The following STIM2 variants were observed in gnomAD, a reference collection of about 807,000 sequenced individuals.
STIM2 encodes the protein stromal interaction molecule 2.
Under a neutral mutation model 85.8 loss-of-function variants are expected in STIM2, and 31 were observed. The ratio of observed to expected loss-of-function variants is 0.36; its 90% confidence interval spans 0.27 to 0.49. The LOEUF is 0.49. Ranked by LOEUF, STIM2 falls within the 20% of genes least tolerant of loss-of-function variation. The probability of loss-of-function intolerance (pLI) is 0.98; values close to 1 mark genes in which losing one functional copy is unlikely to be tolerated. For synonymous variants in STIM2, 356 were observed against 331.1 expected (o/e 1.08, Z -0.82); for missense variants, 841 against 927.6 (o/e 0.91, Z 1.21).
Position 27,002,217 on chromosome 4 carries a change from G to T in STIM2, c.626G>T (p.Arg209Leu). The T allele has an allele frequency of 6.3e-7, 1 of 1,593,980 alleles. No individual in the cohort carries two copies. The highest frequency in any genetic ancestry group is 8.5e-7 in the Non-Finnish European group (1 of 1,173,380). ...TAATCATCTGTAATTCTTTTAATAG[G>T]CCCACCTCATAACTGGATGAAAGAT... Residue 209 changes from arginine to leucine, a missense_variant and splice_region_variant, in exon 6 of 12, where the codon CGC becomes CTC. Transcript: ENST00000467087.
In STIM2 at chr4:27,002,699, C is replaced by T. The variant is rs973797789; in HGVS notation, c.804-228C>T. Among the ~76,000 whole-genome samples, 18 of 152,058 alleles carry T rather than the reference C, an allele frequency of 1.2e-4. 1 individual carries two copies. In the South Asian group the frequency reaches 2.9e-3, roughly 24 times the overall value. On this transcript the variant is annotated intron_variant, in intron 6 of 11. Transcript: ENST00000467087. ...TTAGGAATTTTTGAAAAGCTTTTTG[C>T]GGAAGAGTATTTCCCTGCTTTCCCT...
At chr4:26,876,092 T>C (rs547671353) in intron 1 of STIM2, among the ~76,000 whole-genome samples, 3 of 152,336 alleles carry the variant, frequency 2.0e-5, no homozygotes, top group Admixed American at 6.5e-5. Flanking sequence ...TTGGAATTGT[T>C]GATTCACATG....
chr4:26,928,554 A>G (rs73116665), intron 2 of STIM2, among the ~76,000 whole-genome samples: 5,765 of 152,074 alleles, frequency 0.038, 254 homozygotes, highest in African/African-American at 0.11. Context: ...TTTTACTTTT[A>G]TAGAGATGAG....
intron 3 of STIM2, among the ~76,000 whole-genome samples, chr4:26,958,829 A>G (rs1412536208): frequency 6.6e-6 from 1 of 152,212 alleles, no homozygotes; most frequent in Non-Finnish European, 1.5e-5. Context: ...TATTGACACG[A>G]CATAGCTCAG....
chr4:26,937,790 T>A (rs1290837713), intron 2 of STIM2, among the ~76,000 whole-genome samples: 3 of 152,202 alleles, frequency 2.0e-5, no homozygotes, highest in Non-Finnish European at 4.4e-5. Context: ...TATCTTTGTC[T>A]TGCTCCCTCA....
chr4:26,989,232 G>A (rs1270012627), intron 3 of STIM2, among the ~76,000 whole-genome samples: 3 of 152,084 alleles, frequency 2.0e-5, no homozygotes, highest in Non-Finnish European at 4.4e-5. Context: ...ACCACACACG[G>A]CCCAGTTTAA....
intron 1 of STIM2, among the ~76,000 whole-genome samples, chr4:26,884,767 A>T (rs777637071): frequency 1.3e-5 from 2 of 152,230 alleles, no homozygotes; most frequent in Non-Finnish European, 2.9e-5. Context: ...ACTGTTCTGA[A>T]TGCTTCACAT....
At chr4:26,928,090 C>T (rs987635526) in intron 2 of STIM2, among the ~76,000 whole-genome samples, 1 of 151,642 alleles carries the variant, frequency 6.6e-6, no homozygotes, top group African/African-American at 2.4e-5. Flanking sequence ...GGACTGTTTT[C>T]TTTTTATGGG....
At chr4:26,992,136 T>A (rs114377168) in intron 3 of STIM2, among the ~76,000 whole-genome samples, 2 of 152,144 alleles carry the variant, frequency 1.3e-5, no homozygotes, top group African/African-American at 4.8e-5. Flanking sequence ...CCAAAAGCTA[T>A]TGAAATTTAG....
In STIM2 at chr4:27,017,742, C is replaced by CAGA; in HGVS notation, c.1524_1526dup (p.Arg508dup). The CAGA allele has an allele frequency of 6.2e-7, 1 of 1,614,036 alleles. No homozygotes were observed. The highest frequency in any genetic ancestry group is 1.6e-4 in the Middle Eastern group (1 of 6,062). ...TGGCTAAACCTCCTGGATCATTAGC[C>CAGA]AGAAGCAGCAGCCTGTGCCGTTCAC... On this transcript the variant is annotated inframe_insertion, in exon 11 of 12. Coordinates refer to ENST00000467087, the MANE Select transcript of STIM2 (RefSeq NM_020860.4).
chr4:26,975,266 C>T (rs1465684332), intron 3 of STIM2, among the ~76,000 whole-genome samples: 1 of 152,174 alleles, frequency 6.6e-6, no homozygotes, highest in Non-Finnish European at 1.5e-5. Flanking sequence ...CATTCTCTGT[C>T]CTGCTTTGTT....
chr4:26,980,939 C>A lies in STIM2; in HGVS notation c.398-14440C>A, dbSNP rs115963404. ...ACTTCTAATATTGTGGATAAGGAGC[C>A]CTTCCTTACTTTCTGGCACGAAAAG... On this transcript the variant is annotated intron_variant, in intron 3 of 11. Coordinates refer to ENST00000467087, the MANE Select transcript of STIM2 (RefSeq NM_020860.4). Among the ~76,000 whole-genome samples the A allele has an allele frequency of 7.7e-3, 1,169 of 152,086 alleles. 15 individuals carry two copies. Among genetic ancestry groups the A allele is most frequent in the African/African-American group, 0.026 (1,088 of 41,488 alleles).
At chr4:26,961,739 C>G (rs1384433785) in intron 3 of STIM2, among the ~76,000 whole-genome samples, 1 of 151,802 alleles carries the variant, frequency 6.6e-6, no homozygotes, top group Non-Finnish European at 1.5e-5. Context: ...AGAAGTAGAA[C>G]ATAAATGGTA....
At chr4:26,876,797 C>T (rs1357773771) in intron 1 of STIM2, among the ~76,000 whole-genome samples, 2 of 138,300 alleles carry the variant, frequency 1.4e-5, no homozygotes, top group Non-Finnish European at 1.6e-5. Context: ...CTGTCTCTTA[C>T]TGTCTTTTTT....
chr4:26,944,679 A>G (rs1000542508), intron 2 of STIM2, among the ~76,000 whole-genome samples: 3 of 152,210 alleles, frequency 2.0e-5, no homozygotes, highest in African/African-American at 7.2e-5. Flanking sequence ...AATCTTTTCT[A>G]GTAACTTGTG....
intron 4 of STIM2, among the ~76,000 whole-genome samples, chr4:26,996,389 ACT>A (rs1403558763): frequency 6.6e-6 from 1 of 152,006 alleles, no homozygotes; most frequent in Non-Finnish European, 1.5e-5. Context: ...ATCCAAAAAG[ACT>A]CTAATCAGTT....
chr4:26,891,262 C>G (rs1482484624), intron 1 of STIM2, among the ~76,000 whole-genome samples: 1 of 152,034 alleles, frequency 6.6e-6, no homozygotes, highest in Non-Finnish European at 1.5e-5. Context: ...ATGAGTGGGC[C>G]TTATCCAATC....
At chr4:26,990,657 T>C (rs2109121421) in intron 3 of STIM2, among the ~76,000 whole-genome samples, 1 of 152,182 alleles carries the variant, frequency 6.6e-6, no homozygotes, top group South Asian at 2.1e-4. Flanking sequence ...AGAGACAACC[T>C]ATGGGGTGGG....
chr4:26,990,423 A>G (rs925174552), intron 3 of STIM2, among the ~76,000 whole-genome samples: 1 of 152,184 alleles, frequency 6.6e-6, no homozygotes, highest in Non-Finnish European at 1.5e-5. Flanking sequence ...ATGAATCTAG[A>G]TCTCTACCAT....
Sources: gnomAD v4.1 joint callset for allele counts (sites outside exome capture counted in the v4.1 genomes callset) on GRCh38, gnomAD v4.1.1 for gene constraint, MANE v1.5 for transcripts, NCBI Gene and HGNC (gene_info 2026-07-23, HGNC 2026-07-21) for gene names.